The following DENND1A variants were observed in gnomAD, a reference collection of about 807,000 sequenced individuals.
The protein encoded by DENND1A is DENN domain containing 1A, also known as DENN domain-containing protein 1A.
Under a neutral mutation model 113.7 loss-of-function variants are expected in DENND1A, and 51 were observed. That is an observed-to-expected ratio of 0.45 (90% CI 0.36 to 0.57). DENND1A has a LOEUF of 0.57. Ranked by LOEUF, DENND1A falls within the 20% of genes least tolerant of loss-of-function variation. DENND1A has a pLI of 0.00. For synonymous variants in DENND1A, 565 were observed against 570.8 expected, an observed-to-expected ratio of 0.99 and a Z score of 0.14; for missense variants, 1,258 against 1,395.9, an observed-to-expected ratio of 0.90 and a Z score of 1.57.
chr9:123,382,773 C>T, intron 23 of DENND1A, 148 bp from the exon 24 acceptor site: 7 of 838,218 alleles, frequency 8.4e-6, no homozygotes, highest in Non-Finnish European at 1.3e-5. Context: ...GCTGAGGGCT[C>T]CCCCAGGTTA....
intron 13 of DENND1A, among the ~76,000 whole-genome samples, chr9:123,488,718 T>C (rs190644222): frequency 1.3e-5 from 2 of 152,176 alleles, no homozygotes; most frequent in African/African-American, 2.4e-5. Flanking sequence ...GAGACAGCAT[T>C]AAAGCGAGAC....
intron 2 of DENND1A, among the ~76,000 whole-genome samples, chr9:123,851,360 C>T (rs1267016394): frequency 1.3e-5 from 2 of 152,154 alleles, no homozygotes; most frequent in South Asian, 2.1e-4. Context: ...TATAGCAATA[C>T]CTTGTTCCTT....
At chr9:123,561,867 T>C (rs1393166135) in intron 12 of DENND1A, among the ~76,000 whole-genome samples, 4 of 152,072 alleles carry the variant, frequency 2.6e-5, no homozygotes, top group African/African-American at 9.7e-5. Context: ...TACTTCTCCC[T>C]CCTTCCCACA....
intron 11 of DENND1A, among the ~76,000 whole-genome samples, chr9:123,596,381 T>C (rs2137215459): frequency 6.6e-6 from 1 of 152,378 alleles, no homozygotes; most frequent in Middle Eastern, 3.4e-3. Context: ...AAAGCAGTGT[T>C]GAATTTTTGA....
intron 19 of DENND1A, among the ~76,000 whole-genome samples, chr9:123,427,384 C>CG (rs1399761748): frequency 6.6e-6 from 1 of 152,320 alleles, no homozygotes; most frequent in Non-Finnish European, 1.5e-5. Flanking sequence ...CTCCTAGCCC[C>CG]GGGACTGCAG....
At chr9:123,569,165 T>A (rs1333588044) in intron 12 of DENND1A, among the ~76,000 whole-genome samples, 1 of 152,166 alleles carries the variant, frequency 6.6e-6, no homozygotes. Context: ...AACCCAGCTG[T>A]GTTTATGTAG....
intron 1 of DENND1A, among the ~76,000 whole-genome samples, chr9:123,881,618 C>T (rs1335273300): frequency 6.6e-6 from 1 of 152,156 alleles, no homozygotes; most frequent in Non-Finnish European, 1.5e-5. Flanking sequence ...TATTTTTATG[C>T]ATTTTAAAAA....
At chr9:123,539,189 G>C (rs1470441682) in intron 13 of DENND1A, among the ~76,000 whole-genome samples, 2 of 152,070 alleles carry the variant, frequency 1.3e-5, no homozygotes, top group African/African-American at 4.8e-5. Context: ...GCCTCCTACA[G>C]TCTTGCAAAA....
chr9:123,522,609 A>G (rs780968066), intron 13 of DENND1A, among the ~76,000 whole-genome samples: 2 of 152,084 alleles, frequency 1.3e-5, no homozygotes, highest in African/African-American at 2.4e-5. Context: ...CTTCCAATCA[A>G]TGTCCATACT....
At chr9:123,467,308 T>C (rs1250951800) in intron 13 of DENND1A, among the ~76,000 whole-genome samples, 1 of 152,138 alleles carries the variant, frequency 6.6e-6, no homozygotes, top group East Asian at 1.9e-4. Context: ...TGGAGACACA[T>C]GTTCTGTGCG....
At chr9:123,753,898 G>C (rs964905741) in intron 5 of DENND1A, among the ~76,000 whole-genome samples, 2 of 152,200 alleles carry the variant, frequency 1.3e-5, no homozygotes, top group African/African-American at 2.4e-5. Context: ...GAGTCTGGGA[G>C]GATGGGTAAA....
chr9:123,848,228 TAAAAAAAAAAAAAAA>T (rs375535777), intron 2 of DENND1A, among the ~76,000 whole-genome samples: 4 of 60,498 alleles, frequency 6.6e-5, no homozygotes, highest in Non-Finnish European at 8.7e-5. Context: ...GATACTGCTT[TAAAAAAAAAAAAAAA>T]AAAAAAAAAA....
chr9:123,382,275 G>A lies in DENND1A; in HGVS notation c.2370C>T (p.Ala790=), dbSNP rs150096821. The change falls in exon 24 of 24, where the codon GCC becomes GCT. Residue 790 remains alanine, a synonymous_variant. Transcript: ENST00000394215. ...GCCGCTCTGAGACGTCACCAAGTGC[G>A]GCGCCGGCAGCCTGGAGCTTGGCCG... The part of the protein sequence containing the change: ...PRPAKLQAAG[A]ALGDVSERLQ... The A allele has an allele frequency of 4.7e-5, 75 of 1,610,690 alleles. No homozygotes were observed. The highest frequency in any genetic ancestry group is 5.7e-5 in the Non-Finnish European group (67 of 1,179,622).
chr9:123,883,422 C>T (rs144290033), intron 1 of DENND1A, among the ~76,000 whole-genome samples: 7 of 152,272 alleles, frequency 4.6e-5, no homozygotes, highest in East Asian at 1.9e-4. Context: ...TCCAGTTCCA[C>T]GATTCTCAAA....
intron 13 of DENND1A, among the ~76,000 whole-genome samples, chr9:123,496,205 C>A (rs146825985): frequency 1.3e-5 from 2 of 152,138 alleles, no homozygotes; most frequent in African/African-American, 4.8e-5. Context: ...AGTAAATGCT[C>A]GGTGTAATGT....
chr9:123,518,592 AATTT>A (rs1392136878), intron 13 of DENND1A, among the ~76,000 whole-genome samples: 8 of 152,124 alleles, frequency 5.3e-5, no homozygotes, highest in African/African-American at 1.9e-4. Flanking sequence ...GGGATATAAT[AATTT>A]ATTTTAAAAA....
chr9:123,637,583 T>C (rs1042140342), intron 9 of DENND1A, among the ~76,000 whole-genome samples: 7 of 152,142 alleles, frequency 4.6e-5, no homozygotes, highest in Non-Finnish European at 7.4e-5. Flanking sequence ...CCTTTAATTA[T>C]AAAGGGTTCA....
chr9:123,549,282 GCTGTA>G (rs1371677735), intron 13 of DENND1A, among the ~76,000 whole-genome samples: 1 of 152,116 alleles, frequency 6.6e-6, no homozygotes, highest in African/African-American at 2.4e-5. Flanking sequence ...CTCTCATCTT[GCTGTA>G]CTGTACATAG....
intron 13 of DENND1A, among the ~76,000 whole-genome samples, chr9:123,505,594 T>A (rs1467653346): frequency 6.6e-6 from 1 of 152,192 alleles, no homozygotes; most frequent in Non-Finnish European, 1.5e-5. Flanking sequence ...TTCCTCTCTG[T>A]CAGGACAGAA....
Sources: allele counts gnomAD v4.1 joint callset (sites outside exome capture counted in the v4.1 genomes callset), GRCh38; gene constraint gnomAD v4.1.1; transcripts MANE v1.5; gene names NCBI Gene and HGNC (gene_info 2026-07-23, HGNC 2026-07-21).